The following TRPM6 variants were observed in gnomAD, a reference collection of about 807,000 sequenced individuals.
TRPM6 encodes channel kinase 2.
In TRPM6, 111 loss-of-function variants were observed where a neutral mutation model predicts 247.6. The observed-to-expected ratio is 0.45, with a 90% CI of 0.38 to 0.52. TRPM6 has a LOEUF of 0.52. Ranked by LOEUF, TRPM6 falls within the 20% of genes least tolerant of loss-of-function variation. TRPM6 has a pLI of 0.00. For synonymous variants in TRPM6, 892 were observed against 853.8 expected, an observed-to-expected ratio of 1.04 and a Z score of -0.78; for missense variants, 2,126 against 2,421.5, an observed-to-expected ratio of 0.88 and a Z score of 2.56.
intron 7 of TRPM6, among the ~76,000 whole-genome samples, chr9:74,823,618 C>A (rs1353768178): frequency 6.6e-6 from 1 of 152,044 alleles, no homozygotes; most frequent in Non-Finnish European, 1.5e-5. Context: ...GATGTACCAA[C>A]TAATAGACAT....
intron 36 of TRPM6, among the ~76,000 whole-genome samples, chr9:74,737,778 G>A (rs1163944350): frequency 6.6e-6 from 1 of 152,160 alleles, no homozygotes; most frequent in Non-Finnish European, 1.5e-5. Context: ...GTGAGCCTAA[G>A]GACTAAACGT....
chr9:74,840,591 G>C (rs1003242758), intron 4 of TRPM6, among the ~76,000 whole-genome samples: 1 of 152,148 alleles, frequency 6.6e-6, no homozygotes, highest in Non-Finnish European at 1.5e-5. Flanking sequence ...GAGGTGGGCG[G>C]AACACCTGAG....
intron 14 of TRPM6, chr9:74,804,617 G>A (rs891340729): frequency 1.1e-4 from 81 of 748,420 alleles, no homozygotes; most frequent in Middle Eastern, 3.7e-4. Context: ...CTCAGCCTGA[G>A]GTTACAAACT....
chr9:74,800,257 T>G lies in TRPM6; in HGVS notation c.2235A>C (p.Leu745Phe). The G allele has an allele frequency of 6.2e-7, 1 of 1,613,908 alleles. No individual in the cohort carries two copies. The change falls in exon 17 of 39, where the codon TTA (leucine) becomes TTC (phenylalanine). Residue 745 changes from leucine (L) to phenylalanine (F), a missense_variant. By Grantham distance (22) the Leu-to-Phe change is conservative (BLOSUM62 0). Around this residue, in one of 3 missense-constraint regions of TRPM6, gnomAD observed 1,082 missense variants for 1,307.9 expected, o/e 0.83. Coordinates refer to ENST00000360774, the MANE Select transcript of TRPM6 (RefSeq NM_017662.5). Reference protein sequence around the residue: ...GRLKMRKNSWLKIIISIILPP... With the variant: ...GRLKMRKNSWFKIIISIILPP... ...AAGACAAGTAAAGTAAATTTACCTT[T>G]AACCAAGAGTTTTTCCTCATTTTCA... is the stretch of plus-strand genomic sequence containing the variant.
At chr9:74,743,960 C>T in intron 32 of TRPM6, 135 bp downstream of exon 32, 1 of 846,176 alleles carries the variant, frequency 1.2e-6, no homozygotes, top group South Asian at 1.5e-5. Flanking sequence ...GAATGTTCTT[C>T]CCATCAAAGT....
intron 3 of TRPM6, among the ~76,000 whole-genome samples, chr9:74,846,422 AT>A (rs892931729): frequency 3.3e-5 from 5 of 152,190 alleles, no homozygotes; most frequent in African/African-American, 1.2e-4. Flanking sequence ...CCTAATTCTC[AT>A]TTAAAACAAT....
In TRPM6 at chr9:74,826,224, T is replaced by C. The variant is rs548511815; in HGVS notation, c.841+1554A>G. On this transcript the variant is annotated intron_variant, in intron 7 of 38. Transcript: ENST00000360774. ...AAACGTTAGACGTAGATAGTTCTTT[T>C]CATTTTATAATAAGAAAACAGTTGA... Among the ~76,000 whole-genome samples, 49 of 152,348 alleles carry C rather than the reference T, an allele frequency of 3.2e-4. 1 individual carries two copies. The highest frequency in any genetic ancestry group is 1.2e-3 in the African/African-American group (48 of 41,580).
rs765240878 is a variant in TRPM6 at position 74,812,387 on chromosome 9, C to T, written c.1355G>A (p.Arg452Gln). 5.6e-6 allele frequency: 9 copies of T among 1,613,862 alleles called. No individual in the cohort carries two copies. Among genetic ancestry groups the T allele is most frequent in the Admixed American group, 3.3e-5 (2 of 59,990 alleles). Residue 452 changes from arginine (R) to glutamine (Q), a missense_variant, in exon 12 of 39, where the codon CGG becomes CAG. Physicochemically the swap from Arg to Gln is conservative, Grantham distance 43. This residue lies in a region of TRPM6 where 1,082 missense variants were observed against 1,307.9 expected (regional missense o/e 0.83). Coordinates refer to ENST00000360774, the MANE Select transcript of TRPM6 (RefSeq NM_017662.5). ...TATTAAGAGCTTCACAAAATCCACC[C>T]GATCCATCACTAAAGCATCTGACAT... ...QAMSDALVMD[R>Q]VDFVKLLIEY...
chr9:74,846,174 T>C (rs1830101481), intron 3 of TRPM6, among the ~76,000 whole-genome samples: 1 of 152,232 alleles, frequency 6.6e-6, no homozygotes, highest in Non-Finnish European at 1.5e-5. Flanking sequence ...TCAGGTAAGT[T>C]GATTCTGCTT....
chr9:74,882,903 C>T (rs1831407407), intron 1 of TRPM6, among the ~76,000 whole-genome samples: 1 of 152,138 alleles, frequency 6.6e-6, no homozygotes, highest in Non-Finnish European at 1.5e-5. Flanking sequence ...ACCATCCTAA[C>T]CATTTTTAAG....
chr9:74,820,277 G>T (rs1230226725), intron 9 of TRPM6, 27 bp downstream of exon 9: 2 of 1,611,770 alleles, frequency 1.2e-6, no homozygotes. Context: ...TCTTAAGTCA[G>T]TTGAATCATC....
chr9:74,756,770 G>A (rs1317242294), intron 27 of TRPM6, among the ~76,000 whole-genome samples: 2 of 151,254 alleles, frequency 1.3e-5, no homozygotes, highest in Non-Finnish European at 2.9e-5. Context: ...GATCACTTGA[G>A]ACTGGGAGAC....
At chr9:74,757,519 T>C (rs760877151) in intron 27 of TRPM6, among the ~76,000 whole-genome samples, 4 of 148,688 alleles carry the variant, frequency 2.7e-5, no homozygotes, top group Non-Finnish European at 4.4e-5. Context: ...TGAGCTGAGA[T>C]TGCACCACTG....
At chr9:74,791,277 G>A (rs181044588) in intron 19 of TRPM6, among the ~76,000 whole-genome samples, 299 of 152,236 alleles carry the variant, frequency 2.0e-3, no homozygotes, top group African/African-American at 6.8e-3. Context: ...ACACAGCTAC[G>A]TACTTATTCA....
At chr9:74,731,222 T>C (rs1168412342) in intron 37 of TRPM6, among the ~76,000 whole-genome samples, 1 of 152,188 alleles carries the variant, frequency 6.6e-6, no homozygotes, top group African/African-American at 2.4e-5. Flanking sequence ...AAGGTCAAAA[T>C]TTAATAAATG....
At chr9:74,797,043 G>A (rs1564018919) in intron 17 of TRPM6, 150 bp from the exon 18 acceptor site, 14 of 725,818 alleles carry the variant, frequency 1.9e-5, no homozygotes, top group Admixed American at 6.8e-5. Context: ...TTTTTGACTC[G>A]GCAACTTCAG....
intron 36 of TRPM6, among the ~76,000 whole-genome samples, chr9:74,737,759 C>A (rs982693429): frequency 2.0e-5 from 3 of 152,180 alleles, no homozygotes; most frequent in Non-Finnish European, 4.4e-5. Context: ...AAAACCAAAG[C>A]CCTAGTCAGT....
chr9:74,797,809 C>T (rs1242544385), intron 17 of TRPM6, among the ~76,000 whole-genome samples: 1 of 152,108 alleles, frequency 6.6e-6, no homozygotes, highest in Non-Finnish European at 1.5e-5. Flanking sequence ...TCAATGAGCA[C>T]ACTGCTTTAA....
rs559061472 is a variant in TRPM6, at chr9:74,812,243, A to T, written c.1443+56T>A. 104 of 1,609,578 alleles carry T rather than the reference A, an allele frequency of 6.5e-5. No individual in the cohort carries two copies. In the African/African-American group the frequency reaches 1.2e-3, roughly 18 times the overall value. The stretch of plus-strand genomic sequence containing the variant: ...TTGCCTCTGCATGGTCTGCTTGATG[A>T]TCCTTGCTCTTCTTGAATCTGGAGG... On this transcript the variant is annotated intron_variant, in intron 12 of 38. Coordinates refer to ENST00000360774, the MANE Select transcript of TRPM6 (RefSeq NM_017662.5).
Sources: gnomAD v4.1 joint callset for allele counts (sites outside exome capture counted in the v4.1 genomes callset) on GRCh38, gnomAD v4.1.1 for gene constraint, gnomAD v4.1.1 regional missense constraint, MANE v1.5 for transcripts, NCBI Gene and HGNC (gene_info 2026-07-23, HGNC 2026-07-21) for gene names.